ERICH2: variants seen among roughly 807,000 people sequenced by gnomAD.
ERICH2 encodes glutamate-rich protein 2.
A neutral mutation model predicts 17.4 loss-of-function variants in ERICH2; 17 were observed. That is an observed-to-expected ratio of 0.98 (90% CI 0.67 to 1.47). ERICH2 has a LOEUF of 1.47. Among genes scored for constraint, ERICH2 ranks in the 40% most tolerant of loss-of-function variants. ERICH2 has a pLI of 0.00. For synonymous variants in ERICH2, 51 were observed against 61.1 expected, an observed-to-expected ratio of 0.83 and a Z score of 0.77; for missense variants, 186 against 183.2, an observed-to-expected ratio of 1.01 and a Z score of -0.09.
At chr2:170,781,745 A>G (rs539751827), upstream of ERICH2, among the ~76,000 whole-genome samples, 1 of 151,642 alleles carries the variant, frequency 6.6e-6, no homozygotes, top group African/African-American at 2.4e-5. Flanking sequence ...ATTTACTAAC[A>G]TGAAGCTTCA....
chr2:170,777,788 A>G, the ERICH2 span: 2 of 628,576 alleles, frequency 3.2e-6, no homozygotes, highest in East Asian at 3.5e-5. Context: ...AAGGCCAGAA[A>G]TGCATGGATT....
At chr2:170,790,929 A>G (rs1293134995) in intron 2 of ERICH2, among the ~76,000 whole-genome samples, 3 of 152,172 alleles carry the variant, frequency 2.0e-5, no homozygotes, top group African/African-American at 7.2e-5. Context: ...TTCAAGAAAG[A>G]ATGACAATAA....
chr2:170,777,627 A>AT, the ERICH2 span: 2 of 1,227,770 alleles, frequency 1.6e-6, no homozygotes, highest in Non-Finnish European at 2.0e-6. Context: ...TACTGAGGGT[A>AT]TTTTTTTCTC....
intron 3 of ERICH2, among the ~76,000 whole-genome samples, chr2:170,794,574 G>A (rs1019418007): frequency 6.6e-6 from 1 of 152,046 alleles, no homozygotes; most frequent in African/African-American, 2.4e-5. Flanking sequence ...GAAAGATTCT[G>A]GTTCTTTGTT....
the ERICH2 span, among the ~76,000 whole-genome samples, chr2:170,773,733 C>CT: frequency 3.3e-5 from 5 of 150,858 alleles, no homozygotes; most frequent in East Asian, 1.9e-4. Context: ...TTATTATTGT[C>CT]TTTTTTTTTA....
At chr2:170,796,761 C>T (rs1057401618) in intron 3 of ERICH2, among the ~76,000 whole-genome samples, 2 of 151,920 alleles carry the variant, frequency 1.3e-5, no homozygotes, top group African/African-American at 4.8e-5. Context: ...TACTTTTAGC[C>T]AGATGAAGAG....
chr2:170,776,798 G>A, the ERICH2 span, among the ~76,000 whole-genome samples: 5 of 151,670 alleles, frequency 3.3e-5, no homozygotes, highest in Non-Finnish European at 5.9e-5. Flanking sequence ...TTTAGGTTTG[G>A]GGGTACGTGT....
intron 3 of ERICH2, 59 bp downstream of exon 8, chr2:170,792,979 C>A: frequency 9.8e-7 from 1 of 1,015,876 alleles, no homozygotes; most frequent in Non-Finnish European, 1.4e-6. Flanking sequence ...AAATGAATTC[C>A]GTAATATATA....
chr2:170,789,154 C>T (rs959507950), intron 2 of ERICH2, among the ~76,000 whole-genome samples: 3 of 148,302 alleles, frequency 2.0e-5, no homozygotes, highest in Non-Finnish European at 4.5e-5. Flanking sequence ...AAGTAGAGAT[C>T]GGGTTTCACC....
Position 170,784,845 on chromosome 2 carries a change from T to C in ERICH2, c.216+12T>C. ...AGTTAATGGCAGAAGTAAGTTTTACTTGTGCATATAATTGAAGAAACTTTA... is the reference window on the plus strand; with the variant it reads ...AGTTAATGGCAGAAGTAAGTTTTACCTGTGCATATAATTGAAGAAACTTTA... On this transcript the variant is annotated intron_variant, in intron 2 of 4. Coordinates refer to ENST00000409885, the Ensembl canonical transcript of ERICH2. The C allele has an allele frequency of 7.0e-7, 1 of 1,434,212 alleles. No homozygotes were observed. Among genetic ancestry groups the C allele is most frequent in the Non-Finnish European group, 9.2e-7 (1 of 1,091,878 alleles). 88.8% of individuals were successfully genotyped at this position (1,434,212 alleles called of 1,614,324 possible). A position where few individuals can be genotyped will look rare whatever the true frequency, so the allele number is the denominator to read the frequency against.
At chr2:170,794,272 A>C (rs1242763443) in intron 3 of ERICH2, among the ~76,000 whole-genome samples, 1 of 151,412 alleles carries the variant, frequency 6.6e-6, no homozygotes, top group African/African-American at 2.4e-5. Context: ...ATGCCTGGCT[A>C]ATTTTTGTAT....
upstream of ERICH2, chr2:170,782,460 G>C: frequency 4.1e-6 from 3 of 726,586 alleles, no homozygotes; most frequent in Non-Finnish European, 5.1e-6. Context: ...TGCGACCTTT[G>C]GGAACTGACA....
intron 2 of ERICH2, among the ~76,000 whole-genome samples, chr2:170,791,860 A>C (rs1701299355): frequency 6.6e-6 from 1 of 152,142 alleles, no homozygotes; most frequent in East Asian, 1.9e-4. Context: ...GAAAACTGGT[A>C]GAGAACTACT....
chr2:170,784,358 G>A (rs532608768), intron 1 of ERICH2, among the ~76,000 whole-genome samples: 9 of 152,246 alleles, frequency 5.9e-5, no homozygotes, highest in East Asian at 5.8e-4. Flanking sequence ...GGGCCAGACC[G>A]ACTCACAGAT....
chr2:170,794,105 C>CTTTTTTTTTTT (rs59152667), intron 3 of ERICH2, among the ~76,000 whole-genome samples: 142 of 88,152 alleles, frequency 1.6e-3, no homozygotes, highest in East Asian at 3.2e-3. Context: ...TCCTTTCTTT[C>CTTTTTTTTTTT]TTTTTTTTTT....
At chr2:170,772,644 A>T in the ERICH2 span, among the ~76,000 whole-genome samples, 5 of 152,228 alleles carry the variant, frequency 3.3e-5, no homozygotes, top group African/African-American at 4.8e-5. Flanking sequence ...TAAGTGATGG[A>T]TGATCCTTGA....
intron 3 of ERICH2, among the ~76,000 whole-genome samples, chr2:170,797,097 A>G (rs138280929): frequency 6.6e-6 from 1 of 152,214 alleles, no homozygotes; most frequent in Non-Finnish European, 1.5e-5. Context: ...CAATGGGTCC[A>G]ATGAAGGTGG....
At chr2:170,773,128 A>G in the ERICH2 span, among the ~76,000 whole-genome samples, 1 of 152,150 alleles carries the variant, frequency 6.6e-6, no homozygotes, top group African/African-American at 2.4e-5. Flanking sequence ...CTAAACTACA[A>G]TTTCTGAATC....
intron 2 of ERICH2, among the ~76,000 whole-genome samples, chr2:170,789,123 G>C (rs1021610638): frequency 6.9e-6 from 1 of 144,470 alleles, no homozygotes; most frequent in Non-Finnish European, 1.6e-5. Flanking sequence ...ACCATGCCTG[G>C]CTAATTTTTT....
Sources: allele counts gnomAD v4.1 joint callset (sites outside exome capture counted in the v4.1 genomes callset), GRCh38; gene constraint gnomAD v4.1.1; transcripts MANE v1.5; gene names NCBI Gene and HGNC (gene_info 2026-07-23, HGNC 2026-07-21).